Variants in EBLN2 observed in about 807,000 individuals in gnomAD.
EBLN2 encodes the protein endogenous Bornavirus like nucleoprotein 2, also known as endogenous Bornavirus-like nucleoprotein 2.
For missense variants in EBLN2, 397 were observed against 324.2 expected, an observed-to-expected ratio of 1.22 and a Z score of -1.72; for synonymous variants, 131 against 113.6, an observed-to-expected ratio of 1.15 and a Z score of -0.97.
chr3:73,062,220 A>G lies in EBLN2; in HGVS notation c.139A>G (p.Thr47Ala), dbSNP rs1028383908. Residue 47 changes from threonine to alanine, a missense_variant, in exon 1 of 1, where the codon ACA becomes GCA. By Grantham distance (58) the Thr-to-Ala change is moderately conservative. Transcript: ENST00000533473. ...IKELSRNQFS[T>A]MSHLRKDSQP... is the part of the protein sequence containing the mutation. Reference sequence around the variant, plus strand: ...AGAATTAAGTCGGAACCAATTTTCCACAATGTCTCATCTAAGAAAGGACTC... The same window carrying G: ...AGAATTAAGTCGGAACCAATTTTCCGCAATGTCTCATCTAAGAAAGGACTC... 6.3e-7 allele frequency: 1 copy of G among 1,593,878 alleles called. No individual in the cohort carries two copies. The highest frequency in any genetic ancestry group is 8.5e-7 in the Non-Finnish European group (1 of 1,173,540).
Position 73,062,209 on chromosome 3 carries a change from A to G in EBLN2, c.128A>G (p.Asn43Ser). Residue 43 changes from asparagine (N) to serine (S), a missense_variant, in exon 1 of 1, where the codon AAC becomes AGC. Transcript: ENST00000533473. ...AACAAAATTAAAGAATTAAGTCGGA[A>G]CCAATTTTCCACAATGTCTCATCTA... is the stretch of plus-strand genomic sequence containing the variant. The part of the protein sequence containing the change: ...ILNKIKELSR[N>S]QFSTMSHLRK... 1 of 1,587,840 alleles carries G rather than the reference A, an allele frequency of 6.3e-7. No homozygotes were observed. The highest frequency in any genetic ancestry group is 8.5e-7 in the Non-Finnish European group (1 of 1,170,484).
rs1702901469 is a variant in EBLN2 at position 73,062,958 on chromosome 3, T to C, written c.*58T>C. On this transcript the variant is annotated 3_prime_UTR_variant, in exon 1 of 1. Coordinates refer to ENST00000533473, the MANE Select transcript of EBLN2 (RefSeq NM_018029.4). ...TGCTGTGAGAATGTTTCTAGATCAG[T>C]GCATGGATGGCTCCATTGCTCTACG... 7.0e-7 allele frequency: 1 copy of C among 1,437,156 alleles called. No homozygotes were observed. Among genetic ancestry groups the C allele is most frequent in the South Asian group, 1.2e-5 (1 of 81,128 alleles). The allele number at this position is 1,437,156 out of a possible 1,614,324, so 89.0% of individuals were successfully genotyped here. A position where few individuals can be genotyped will look rare whatever the true frequency, so the allele number is the denominator to read the frequency against.
Position 73,062,360 on chromosome 3 carries a change from C to T in EBLN2, c.279C>T (p.Pro93=). The change falls in exon 1 of 1, where the codon CCC becomes CCT. Residue 93 remains proline (P), a synonymous_variant. Coordinates refer to ENST00000533473, the MANE Select transcript of EBLN2 (RefSeq NM_018029.4). ...AGTATCCACTGGATGCATTGGAACCCCAACCCAGCATTGGGGATATTAAGG... is the reference window on the plus strand; with the variant it reads ...AGTATCCACTGGATGCATTGGAACCTCAACCCAGCATTGGGGATATTAAGG... ...NRQYPLDALE[P]QPSIGDIKDI... 2 of 1,605,494 alleles carry T rather than the reference C, an allele frequency of 1.2e-6. No individual in the cohort carries two copies. The highest frequency in any genetic ancestry group is 1.7e-6 in the Non-Finnish European group (2 of 1,177,400).
chr3:73,062,690 C>T lies in EBLN2; in HGVS notation c.609C>T (p.Thr203=). ...CTGGATCAAGTGATAAGATTTGCAC[C>T]AGCAGTCTCCAAGTTCAGAGACGAT... is the stretch of plus-strand genomic sequence containing the variant. ...IAAGSSDKIC[T]SSLQVQRRFK... is the part of the protein sequence containing the mutation. Residue 203 remains threonine (T), a synonymous_variant, in exon 1 of 1, where the codon ACC becomes ACT. Transcript: ENST00000533473. 1.2e-6 allele frequency: 2 copies of T among 1,613,982 alleles called. No individual in the cohort carries two copies. The highest frequency in any genetic ancestry group is 1.7e-6 in the Non-Finnish European group (2 of 1,179,896).
Position 73,062,807 on chromosome 3 carries a change from G to T in EBLN2, c.726G>T (p.Trp242Cys), listed in dbSNP as rs1301419018. The T allele has an allele frequency of 1.9e-6, 3 of 1,613,834 alleles. No homozygotes were observed. Among genetic ancestry groups the T allele is most frequent in the Middle Eastern group, 1.6e-4 (1 of 6,082 alleles). ...GCAATGCAGAATCAGCCATAGGTTG[G>T]ATCAGCTCAAGACCATGGGTTGGAG... The part of the protein sequence containing the change: ...ISCNAESAIG[W>C]ISSRPWVGEL... The change falls in exon 1 of 1, where the codon TGG becomes TGT. Residue 242 changes from tryptophan to cysteine, a missense_variant. Trp to Cys is a radical substitution (Grantham distance 215). Transcript: ENST00000533473.
At position 73,062,321 on chromosome 3, in the gene EBLN2, T is replaced by A. The variant is rs755195429; in HGVS notation, c.240T>A (p.Ser80=). 3 of 1,604,754 alleles carry A rather than the reference T, an allele frequency of 1.9e-6. No homozygotes were observed. The South Asian group carries it at 3.4e-5, about 18-fold the overall frequency. Residue 80 remains serine (S), a synonymous_variant, in exon 1 of 1, where the codon TCT becomes TCA. Coordinates refer to ENST00000533473, the MANE Select transcript of EBLN2 (RefSeq NM_018029.4). ...LPDLQGRFEL[S]GKNRQYPLDA... ...ACCTTCAAGGAAGATTTGAGCTATC[T>A]GGGAAAAACAGACAGTATCCACTGG...
rs1407842740 is a variant in EBLN2, at chr3:73,062,193, A to G, written c.112A>G (p.Lys38Glu). The G allele has an allele frequency of 2.5e-6, 4 of 1,570,432 alleles. No homozygotes were observed. The highest frequency in any genetic ancestry group is 3.4e-6 in the Non-Finnish European group (4 of 1,162,064). Residue 38 changes from lysine (K) to glutamate (E), a missense_variant, in exon 1 of 1, where the codon AAA (lysine) becomes GAA (glutamate). By Grantham distance (56) the Lys-to-Glu change is moderately conservative. Transcript: ENST00000533473. ...TAGACCTATGATTCTTAACAAAATT[A>G]AAGAATTAAGTCGGAACCAATTTTC... Reference protein sequence around the residue: ...SFRPMILNKIKELSRNQFSTM... With the variant: ...SFRPMILNKIEELSRNQFSTM...
Position 73,062,907 on chromosome 3 carries a change from A to C in EBLN2, c.*7A>C. On this transcript the variant is annotated 3_prime_UTR_variant, in exon 1 of 1. Coordinates refer to ENST00000533473, the MANE Select transcript of EBLN2 (RefSeq NM_018029.4). Reference sequence around the variant, plus strand: ...GCTACGCAAGTCAAGTTAGTTGCCAAGAAAGCACAGATGACAACCTATTAA... The same window carrying C: ...GCTACGCAAGTCAAGTTAGTTGCCACGAAAGCACAGATGACAACCTATTAA... The C allele has an allele frequency of 6.2e-7, 1 of 1,606,866 alleles. No homozygotes were observed. The highest frequency in any genetic ancestry group is 1.7e-4 in the Middle Eastern group (1 of 6,022).
Position 73,062,446 on chromosome 3 carries a change from T to G in EBLN2, c.365T>G (p.Val122Gly). 1 of 1,612,100 alleles carries G rather than the reference T, an allele frequency of 6.2e-7. No homozygotes were observed. Among genetic ancestry groups the G allele is most frequent in the Non-Finnish European group, 8.5e-7 (1 of 1,179,106 alleles). ...GCACATAAATCTCATTTCCACCCTG[T>G]GACCCCAAGTTTAGTATTCTTGTGT... ...DPAHKSHFHP[V>G]TPSLVFLCFI... Residue 122 changes from valine (V) to glycine (G), a missense_variant, in exon 1 of 1, where the codon GTG becomes GGG. Coordinates refer to ENST00000533473, the MANE Select transcript of EBLN2 (RefSeq NM_018029.4).
At position 73,063,172 on chromosome 3, in the gene EBLN2, G is replaced by A. The variant is rs1702906954; in HGVS notation, c.*272G>A. 3 of 449,652 alleles carry A rather than the reference G, an allele frequency of 6.7e-6. No homozygotes were observed. Among genetic ancestry groups the A allele is most frequent in the Non-Finnish European group, 1.2e-5 (3 of 243,332 alleles). The allele number at this position is 449,652 out of a possible 1,614,324, so 27.9% of individuals were successfully genotyped here. On this transcript the variant is annotated 3_prime_UTR_variant, in exon 1 of 1. Transcript: ENST00000533473. The stretch of plus-strand genomic sequence containing the variant: ...CAAGATGAGCAACCCCACATTTTTG[G>A]GATTTAAAGCTCCTGATGTTATACC...
Position 73,062,657 on chromosome 3 carries a change from C to T in EBLN2, c.576C>T (p.Gly192=), listed in dbSNP as rs780418477. 24 of 1,613,828 alleles carry T rather than the reference C, an allele frequency of 1.5e-5. No individual in the cohort carries two copies. Among genetic ancestry groups the T allele is most frequent in the South Asian group, 6.6e-5 (6 of 91,088 alleles). The change falls in exon 1 of 1, where the codon GGC becomes GGT. Residue 192 remains glycine (G), a synonymous_variant. Coordinates refer to ENST00000533473, the MANE Select transcript of EBLN2 (RefSeq NM_018029.4). ...VLRHCCDLLI[G]IAAGSSDKIC... ...GCCACTGCTGTGACCTTTTGATAGG[C>T]ATTGCGGCTGGATCAAGTGATAAGA...
rs751004300 is a variant in EBLN2 at position 73,062,701 on chromosome 3, A to C, written c.620A>C (p.Gln207Pro). Reference sequence around the variant, plus strand: ...GATAAGATTTGCACCAGCAGTCTCCAAGTTCAGAGACGATTCAAGGCAATG... The same window carrying C: ...GATAAGATTTGCACCAGCAGTCTCCCAGTTCAGAGACGATTCAAGGCAATG... ...SSDKICTSSL[Q>P]VQRRFKAMMA... Residue 207 changes from glutamine (Q) to proline (P), a missense_variant, in exon 1 of 1, where the codon CAA becomes CCA. Coordinates refer to ENST00000533473, the MANE Select transcript of EBLN2 (RefSeq NM_018029.4). 6 of 1,613,992 alleles carry C rather than the reference A, an allele frequency of 3.7e-6. No homozygotes were observed. Among genetic ancestry groups the C allele is most frequent in the East Asian group, 2.2e-5 (1 of 44,888 alleles).
rs1702863954 is a variant in EBLN2 at position 73,061,795 on chromosome 3, T to TC, written c.-286dup. 3.0e-6 allele frequency: 1 copy of TC among 333,870 alleles called. No individual in the cohort carries two copies. The highest frequency in any genetic ancestry group is 5.5e-6 in the Non-Finnish European group (1 of 181,124). 20.7% of individuals were successfully genotyped at this position (333,870 alleles called of 1,614,324 possible). A position where few individuals can be genotyped will look rare whatever the true frequency, so the allele number is the denominator to read the frequency against. On this transcript the variant is annotated 5_prime_UTR_variant, in exon 1 of 1. Coordinates refer to ENST00000533473, the MANE Select transcript of EBLN2 (RefSeq NM_018029.4). ...ATCATAGCTCACTGCAGCCTTAAAC[T>TC]CTAGTGATCCTCCCGCCTTGGCCTT...
chr3:73,062,681 G>A lies in EBLN2; in HGVS notation c.600G>A (p.Lys200=). ...LIGIAAGSSD[K]ICTSSLQVQR... ...GCATTGCGGCTGGATCAAGTGATAA[G>A]ATTTGCACCAGCAGTCTCCAAGTTC... Residue 200 remains lysine (K), a synonymous_variant, in exon 1 of 1, where the codon AAG becomes AAA. Coordinates refer to ENST00000533473, the MANE Select transcript of EBLN2 (RefSeq NM_018029.4). The A allele has an allele frequency of 6.2e-7, 1 of 1,613,978 alleles. No individual in the cohort carries two copies. Among genetic ancestry groups the A allele is most frequent in the Non-Finnish European group, 8.5e-7 (1 of 1,179,894 alleles).
In EBLN2 at chr3:73,063,290, C is replaced by T; in HGVS notation, c.*390C>T. 1 of 234,264 alleles carries T rather than the reference C, an allele frequency of 4.3e-6. No homozygotes were observed. Among genetic ancestry groups the T allele is most frequent in the Admixed American group, 5.7e-5 (1 of 17,660 alleles). The allele number at this position is 234,264 out of a possible 1,614,324, so 14.5% of individuals were successfully genotyped here. ...TTGGGTGGAATCATAGATCCATGCA[C>T]TCCTAACATGAACTAATTCTCATTA... On this transcript the variant is annotated 3_prime_UTR_variant, in exon 1 of 1. Transcript: ENST00000533473.
chr3:73,062,800 T>C lies in EBLN2; in HGVS notation c.719T>C (p.Ile240Thr). The C allele has an allele frequency of 6.2e-7, 1 of 1,613,950 alleles. No homozygotes were observed. Among genetic ancestry groups the C allele is most frequent in the Non-Finnish European group, 8.5e-7 (1 of 1,179,858 alleles). ...LLISCNAESAIGWISSRPWVG... is the reference protein window; with the variant it reads ...LLISCNAESATGWISSRPWVG... ...ATCAGCTGCAATGCAGAATCAGCCATAGGTTGGATCAGCTCAAGACCATGG... is the reference window on the plus strand; with the variant it reads ...ATCAGCTGCAATGCAGAATCAGCCACAGGTTGGATCAGCTCAAGACCATGG... Residue 240 changes from isoleucine (I) to threonine (T), a missense_variant, in exon 1 of 1, where the codon ATA (isoleucine) becomes ACA (threonine). By Grantham distance (89) the Ile-to-Thr change is moderately conservative. Transcript: ENST00000533473.
Position 73,062,774 on chromosome 3 carries a change from A to G in EBLN2, c.693A>G (p.Leu231=), listed in dbSNP as rs754168109. ...CACATGGTGAGAGTGCTGATCTGCTAATCAGCTGCAATGCAGAATCAGCCA... is the reference window on the plus strand; with the variant it reads ...CACATGGTGAGAGTGCTGATCTGCTGATCAGCTGCAATGCAGAATCAGCCA... ...RLSHGESADL[L]ISCNAESAIG... is the part of the protein sequence containing the mutation. The change falls in exon 1 of 1, where the codon CTA becomes CTG. Residue 231 remains leucine, a synonymous_variant. Transcript: ENST00000533473. 1 of 1,613,782 alleles carries G rather than the reference A, an allele frequency of 6.2e-7. No homozygotes were observed. The highest frequency in any genetic ancestry group is 1.3e-5 in the African/African-American group (1 of 74,908).
chr3:73,061,894 A>G lies in EBLN2; in HGVS notation c.-188A>G. The G allele has an allele frequency of 1.8e-6, 1 of 546,598 alleles. No homozygotes were observed. The highest frequency in any genetic ancestry group is 3.7e-5 in the Admixed American group (1 of 26,762). 33.9% of individuals were successfully genotyped at this position (546,598 alleles called of 1,614,324 possible). A position where few individuals can be genotyped will look rare whatever the true frequency, so the allele number is the denominator to read the frequency against. On this transcript the variant is annotated 5_prime_UTR_variant, in exon 1 of 1. Coordinates refer to ENST00000533473, the MANE Select transcript of EBLN2 (RefSeq NM_018029.4). ...ATTTGTTTTTAGAATGTTCCCAAGA[A>G]TATAGTTATGTTGCTAAATAAGATA...
At chr3:73,063,318 TAAAAAAA>T (rs534798966) in exon 1 of EBLN2, 13 of 92,178 alleles carry the variant, frequency 1.4e-4, no homozygotes, top group Admixed American at 3.4e-4. Flanking sequence ...TCTCATTATT[TAAAAAAA>T]AAAAAAAAAA....
Sources: gnomAD v4.1 joint callset for allele counts on GRCh38, gnomAD v4.1.1 for gene constraint, MANE v1.5 for transcripts, NCBI Gene and HGNC (gene_info 2026-07-23, HGNC 2026-07-21) for gene names.